The following ZFYVE26 variants were observed in gnomAD, a reference collection of about 807,000 sequenced individuals.
ZFYVE26 encodes the protein zinc finger FYVE-type containing 26.
ZFYVE26 carries 181 observed loss-of-function variants against 276.5 expected under a neutral mutation model. The ratio of observed to expected loss-of-function variants is 0.65; its 90% CI spans 0.58 to 0.74. The LOEUF is 0.74. ZFYVE26 is among the 30% of genes least tolerant of loss of function. The pLI is 0.00. For missense variants in ZFYVE26, 2,821 were observed against 3,097.9 expected (o/e 0.91, Z 2.12); for synonymous variants, 1,129 against 1,203.1 (o/e 0.94, Z 1.27).
At position 67,747,652 on chromosome 14, in the gene ZFYVE26, C is replaced by G. The variant is rs1457533965; in HGVS notation, c.*784G>C. 6.8e-6 allele frequency: 1 copy of G among 146,932 alleles called. No individual in the cohort carries two copies. The highest frequency in any genetic ancestry group is 2.5e-5 in the African/African-American group (1 of 39,608). 9.1% of individuals were successfully genotyped at this position (146,932 alleles called of 1,614,324 possible). A position where few individuals can be genotyped will look rare whatever the true frequency, so the allele number is the denominator to read the frequency against. On this transcript the variant is annotated 3_prime_UTR_variant, in exon 42 of 42. Coordinates refer to ENST00000347230, the MANE Select transcript of ZFYVE26 (RefSeq NM_015346.4). The stretch of plus-strand genomic sequence containing the variant: ...GCTTGTGAGCACCCGCTCCCCCCAC[C>G]ACCCCCCACCGCCTCCCCTGTATCC...
Position 67,762,273 on chromosome 14 carries a change from T to C in ZFYVE26, c.6299A>G (p.Asn2100Ser), listed in dbSNP as rs1043960451. ...ATCCTGCACCAGCCTTGAGCCATGA[T>C]TCAGCTGATTGAGGTCAAATGGGGG... ...LKPPFDLNQL[N>S]HGSRLVQDVV... Residue 2100 changes from asparagine (N) to serine (S), a missense_variant, in exon 34 of 42, where the codon AAT becomes AGT. Transcript: ENST00000347230. 3.1e-6 allele frequency: 5 copies of C among 1,614,144 alleles called. No homozygotes were observed. The highest frequency in any genetic ancestry group is 1.1e-5 in the South Asian group (1 of 91,080).
intron 16 of ZFYVE26, among the ~76,000 whole-genome samples, chr14:67,786,677 G>C (rs187873656): frequency 4.6e-5 from 7 of 152,152 alleles, no homozygotes; most frequent in Admixed American, 4.6e-4. Flanking sequence ...AGGATAATCT[G>C]GAAACACAGT....
intron 21 of ZFYVE26, 60 bp downstream of exon 21, chr14:67,782,720 T>C: frequency 1.2e-6 from 2 of 1,605,818 alleles, no homozygotes; most frequent in Non-Finnish European, 1.7e-6. Flanking sequence ...TGTGATAATA[T>C]ACCCAGTGAA....
intron 22 of ZFYVE26, 52 bp downstream of exon 22, chr14:67,781,281 T>C (rs1210396489): frequency 1.9e-6 from 3 of 1,598,510 alleles, no homozygotes; most frequent in Non-Finnish European, 2.6e-6. Flanking sequence ...AGGTTGGGGT[T>C]GATCATAGAG....
chr14:67,788,686 TG>T (rs2039724660), intron 16 of ZFYVE26, among the ~76,000 whole-genome samples: 1 of 152,168 alleles, frequency 6.6e-6, no homozygotes, highest in Non-Finnish European at 1.5e-5. Flanking sequence ...TCACTGAACC[TG>T]GGGGTGGACT....
In ZFYVE26 at chr14:67,802,216, A is replaced by C. The variant is rs2040091449; in HGVS notation, c.1502T>G (p.Phe501Cys). 1 of 1,614,098 alleles carries C rather than the reference A, an allele frequency of 6.2e-7. No homozygotes were observed. The highest frequency in any genetic ancestry group is 8.5e-7 in the Non-Finnish European group (1 of 1,180,042). Residue 501 changes from phenylalanine to cysteine, a missense_variant, in exon 10 of 42, where the codon TTC becomes TGC. Transcript: ENST00000347230. ...ATAGATGGCATACTTCATGGCACAG[A>C]AGCCCTGGTAGAGTGTCAGGTTCTG... ...QCQNLTLYQG[F>C]CAMKYAIYAL... is the part of the protein sequence containing the mutation.
chr14:67,779,513 G>A (rs772229959), intron 23 of ZFYVE26, among the ~76,000 whole-genome samples: 1 of 152,162 alleles, frequency 6.6e-6, no homozygotes, highest in Non-Finnish European at 1.5e-5. Flanking sequence ...AGTGAGCCAA[G>A]ATTGCGCCAT....
At chr14:67,796,901 G>C (rs2039964710) in intron 12 of ZFYVE26, 1 of 152,166 alleles carries the variant, frequency 6.6e-6, no homozygotes, top group Non-Finnish European at 1.5e-5. Flanking sequence ...GCATTGAGCT[G>C]AGATTGCACC....
intron 12 of ZFYVE26, among the ~76,000 whole-genome samples, chr14:67,794,575 G>T (rs922089888): frequency 6.6e-6 from 1 of 152,180 alleles, no homozygotes; most frequent in African/African-American, 2.4e-5. Flanking sequence ...AAAAATAAAA[G>T]CACAACTGTT....
At chr14:67,750,809 A>T (rs1384994880) in intron 41 of ZFYVE26, 1 of 599,672 alleles carries the variant, frequency 1.7e-6, no homozygotes, top group Non-Finnish European at 3.0e-6. Context: ...GCAGCCTAGG[A>T]CATGTTTGTC....
chr14:67,754,541 G>A (rs1307962064), intron 37 of ZFYVE26, among the ~76,000 whole-genome samples: 1 of 152,208 alleles, frequency 6.6e-6, no homozygotes, highest in Non-Finnish European at 1.5e-5. Context: ...TTATAGGCTG[G>A]AAGAGAAATG....
chr14:67,772,970 G>C (rs888380664), intron 27 of ZFYVE26, among the ~76,000 whole-genome samples: 9 of 151,702 alleles, frequency 5.9e-5, no homozygotes, highest in Non-Finnish European at 1.2e-4. Flanking sequence ...AAAAGAAAAA[G>C]AAAAAAAGAT....
At position 67,798,899 on chromosome 14, in the gene ZFYVE26, C is replaced by A. The variant is rs7159982; in HGVS notation, c.1640-277G>T. 0.32 allele frequency: 291,859 copies of A among 924,836 alleles called. 51,938 individuals carry two copies. Among genetic ancestry groups the A allele is most frequent in the Non-Finnish European group, 0.38 (227,981 of 607,794 alleles). 57.3% of individuals were successfully genotyped at this position (924,836 alleles called of 1,614,324 possible). A position where few individuals can be genotyped will look rare whatever the true frequency, so the allele number is the denominator to read the frequency against. ...CCAGCCTTTTGGCCACCAGGCCCCG[C>A]CCCCGGGGAGGGCGCTGAGCTCCGC... On this transcript the variant is annotated intron_variant, in intron 10 of 41. Transcript: ENST00000347230.
rs1488512129 is a variant in ZFYVE26 at position 67,798,477 on chromosome 14, C to T, written c.1785G>A (p.Leu595=). The T allele has an allele frequency of 1.9e-6, 3 of 1,614,116 alleles. No individual in the cohort carries two copies. In the Admixed American group the frequency reaches 5.0e-5, roughly 27 times the overall value. ...CATCATCCTCAGCATAGTCCTCAGGCAAGTGAGGCTCTGGGTGAAGATCAG... is the reference window on the plus strand; with the variant it reads ...CATCATCCTCAGCATAGTCCTCAGGTAAGTGAGGCTCTGGGTGAAGATCAG... ...TSADLHPEPH[L]PEDYAEDDDI... Residue 595 remains leucine, a synonymous_variant, in exon 11 of 42, where the codon TTG becomes TTA. Coordinates refer to ENST00000347230, the MANE Select transcript of ZFYVE26 (RefSeq NM_015346.4).
At chr14:67,809,424 T>TTTC in intron 3 of ZFYVE26, 135 bp from the exon 4 acceptor site, 1 of 527,326 alleles carries the variant, frequency 1.9e-6, no homozygotes, top group Non-Finnish European at 3.0e-6. Context: ...TTTTTTTTTT[T>TTTC]TTTTTTTTTT....
rs768758681 is a variant in ZFYVE26 at position 67,807,639 on chromosome 14, G to T, written c.645C>A (p.Val215=). The T allele has an allele frequency of 6.2e-7, 1 of 1,614,136 alleles. No individual in the cohort carries two copies. The highest frequency in any genetic ancestry group is 1.7e-5 in the Admixed American group (1 of 60,024). ...TCCGCAGGGCTCCATAGATGGCATC[G>T]ACTACCCCAGGGGGCACCGAATCAG... ...QGPDSVPPGV[V]DAIYGALRTL... Residue 215 remains valine, a synonymous_variant, in exon 5 of 42, where the codon GTC becomes GTA. Transcript: ENST00000347230.
chr14:67,732,984 G>A (rs1470696118), intron 13 of ZFYVE26, among the ~76,000 whole-genome samples: 8 of 152,120 alleles, frequency 5.3e-5, no homozygotes, highest in Non-Finnish European at 1.0e-4. Flanking sequence ...CATGGGGGGA[G>A]CGGGGAGGGA....
chr14:67,763,985 C>T (rs2038997107), intron 32 of ZFYVE26, among the ~76,000 whole-genome samples: 2 of 152,180 alleles, frequency 1.3e-5, no homozygotes, highest in Admixed American at 6.5e-5. Flanking sequence ...GGAGATGCTG[C>T]TGGGTGGAAG....
At chr14:67,807,360 T>C in intron 5 of ZFYVE26, 38 bp downstream of exon 5, 1 of 1,613,276 alleles carries the variant, frequency 6.2e-7, no homozygotes, top group South Asian at 1.1e-5. Context: ...CATACTGGAA[T>C]TACTGAAACT....
Sources: allele counts gnomAD v4.1 joint callset (sites outside exome capture counted in the v4.1 genomes callset), GRCh38; gene constraint gnomAD v4.1.1; transcripts MANE v1.5; gene names NCBI Gene and HGNC (gene_info 2026-07-23, HGNC 2026-07-21).